SOHLH2: variants seen among roughly 807,000 people sequenced by gnomAD.
SOHLH2 encodes spermatogenesis- and oogenesis-specific basic helix-loop-helix-containing protein 2.
In SOHLH2, 22 loss-of-function variants were observed where a neutral mutation model predicts 50.4. The ratio of observed to expected loss-of-function variants is 0.44; its 90% CI spans 0.31 to 0.62. The LOEUF is 0.62. Ranked by LOEUF, SOHLH2 falls within the 20% of genes least tolerant of loss-of-function variation. The probability of loss-of-function intolerance (pLI) is 0.08; values close to 1 mark genes in which losing one functional copy is unlikely to be tolerated. For missense variants in SOHLH2, 412 were observed against 504.4 expected (o/e 0.82, Z 1.76); for synonymous variants, 185 against 187.3 (o/e 0.99, Z 0.10).
intron 10 of SOHLH2, among the ~76,000 whole-genome samples, chr13:36,169,322 C>T (rs1211864044): frequency 6.6e-6 from 1 of 152,154 alleles, no homozygotes; most frequent in Non-Finnish European, 1.5e-5. Flanking sequence ...CTTTCATTTA[C>T]CCTAGCCTTC....
intron 9 of SOHLH2, among the ~76,000 whole-genome samples, 183 bp downstream of exon 9, chr13:36,173,509 G>C (rs1159211500): frequency 6.6e-6 from 1 of 152,184 alleles, no homozygotes; most frequent in Non-Finnish European, 1.5e-5. Flanking sequence ...TTTGAGCCCA[G>C]TTTCTGGCAT....
At chr13:36,208,505 G>A (rs949623921) in intron 1 of SOHLH2, among the ~76,000 whole-genome samples, 1 of 152,108 alleles carries the variant, frequency 6.6e-6, no homozygotes, top group Non-Finnish European at 1.5e-5. Flanking sequence ...AAGATGTAGA[G>A]TTAATCTAAA....
At chr13:36,174,366 A>G (rs1026078491) in intron 8 of SOHLH2, 110 bp downstream of exon 8, 1 of 1,434,644 alleles carries the variant, frequency 7.0e-7, no homozygotes, top group Non-Finnish European at 9.5e-7. Flanking sequence ...CTGACCCTTA[A>G]TAAGCCCCTG....
At chr13:36,183,859 CAAG>C (rs1230492929) in intron 6 of SOHLH2, among the ~76,000 whole-genome samples, 1 of 152,042 alleles carries the variant, frequency 6.6e-6, no homozygotes, top group African/African-American at 2.4e-5. Context: ...GTCAATTCAG[CAAG>C]AAGACAGGCA....
chr13:36,185,838 T>C (rs1396172783), intron 6 of SOHLH2, among the ~76,000 whole-genome samples: 4 of 152,210 alleles, frequency 2.6e-5, no homozygotes, highest in South Asian at 2.1e-4. Flanking sequence ...ATAGGGAATT[T>C]AGTCCTATAA....
In SOHLH2 at chr13:36,174,821, A is replaced by G. The variant is rs772750306; in HGVS notation, c.690T>C (p.Tyr230=). The change falls in exon 7 of 11, where the codon TAT becomes TAC. Residue 230 remains tyrosine, a synonymous_variant. Transcript: ENST00000379881. ...CCEQLRTLLP[Y]VKGRKNDAAS... is the part of the protein sequence containing the mutation. ...CCGCATCATTCTTTCTCCCTTTTAC[A>G]TACGGCAAGAGAGTACGCAGCTGCT... The G allele has an allele frequency of 7.5e-6, 12 of 1,609,364 alleles. No homozygotes were observed. The African/African-American group carries it at 1.3e-4, about 18-fold the overall frequency.
chr13:36,189,894 A>T, intron 6 of SOHLH2, 52 bp downstream of exon 6: 1 of 1,487,392 alleles, frequency 6.7e-7, no homozygotes, highest in Non-Finnish European at 9.0e-7. Flanking sequence ...AAAATTCATT[A>T]ATTTCTCCCT....
chr13:36,186,942 A>G (rs1392514424), intron 6 of SOHLH2, among the ~76,000 whole-genome samples: 1 of 152,172 alleles, frequency 6.6e-6, no homozygotes, highest in Non-Finnish European at 1.5e-5. Context: ...GGAGGAAGAA[A>G]GGAAACAGAC....
intron 1 of SOHLH2, among the ~76,000 whole-genome samples, chr13:36,212,994 T>C (rs1869211462): frequency 6.6e-6 from 1 of 152,216 alleles, no homozygotes; most frequent in Non-Finnish European, 1.5e-5. Flanking sequence ...TTTTAGTGAG[T>C]TGTTATTTAT....
intron 4 of SOHLH2, among the ~76,000 whole-genome samples, chr13:36,193,244 G>A (rs914897781): frequency 2.6e-5 from 4 of 152,202 alleles, no homozygotes; most frequent in African/African-American, 9.6e-5. Flanking sequence ...TTCTATGCAA[G>A]TGTTTTGCAA....
intron 10 of SOHLH2, among the ~76,000 whole-genome samples, chr13:36,169,502 G>A (rs1468481210): frequency 6.6e-6 from 1 of 152,130 alleles, no homozygotes; most frequent in Non-Finnish European, 1.5e-5. Flanking sequence ...AGTATCTACC[G>A]TCAAAGGATC....
intron 6 of SOHLH2, among the ~76,000 whole-genome samples, chr13:36,188,723 GTTCCCCATGGATTCCTTCTCTGC>G (rs1887495237): frequency 6.6e-6 from 1 of 152,116 alleles, no homozygotes; most frequent in Admixed American, 6.5e-5. Context: ...AACTCTTTGT[GTTCCCCATGGATTCCTTCTCTGC>G]TGCCTGTACC....
At position 36,193,834 on chromosome 13, in the gene SOHLH2, A is replaced by G; in HGVS notation, c.297T>C (p.Phe99=). Residue 99 remains phenylalanine, a synonymous_variant, in exon 3 of 11, where the codon TTT becomes TTC. Transcript: ENST00000379881. ...FGKKKNTHSL[F]VFIIPENFKG... is the part of the protein sequence containing the mutation. ...TAAAATTTTCAGGGATTATAAAAAC[A>G]AACAGTGAATGTGTATTTTTCTTTT... The G allele has an allele frequency of 6.2e-7, 1 of 1,603,942 alleles. No homozygotes were observed. Among genetic ancestry groups the G allele is most frequent in the African/African-American group, 1.3e-5 (1 of 74,598 alleles).
chr13:36,205,324 T>C (rs1593960157), intron 1 of SOHLH2, among the ~76,000 whole-genome samples: 2 of 152,138 alleles, frequency 1.3e-5, no homozygotes, highest in South Asian at 4.1e-4. Flanking sequence ...TGACAGTAGG[T>C]GTTCCTGTCT....
At chr13:36,187,539 G>A (rs1371136301) in intron 6 of SOHLH2, among the ~76,000 whole-genome samples, 1 of 152,126 alleles carries the variant, frequency 6.6e-6, no homozygotes, top group African/African-American at 2.4e-5. Context: ...CAGCAGTCAT[G>A]GGAATGAAGC....
chr13:36,171,062 C>T (rs1360256801), intron 9 of SOHLH2, among the ~76,000 whole-genome samples: 1 of 152,016 alleles, frequency 6.6e-6, no homozygotes, highest in South Asian at 2.1e-4. Context: ...TGAATGTGCA[C>T]GTCAATCAAA....
In SOHLH2 at chr13:36,168,988, CT is replaced by C. The variant is rs752075342; in HGVS notation, c.*45del. ...GTTCCACTTTTCCTAGATTGTCAAA[CT>C]GCGCCCAGTAGGTGGTTGAGAGTGT... On this transcript the variant is annotated 3_prime_UTR_variant, in exon 11 of 11. Transcript: ENST00000379881. The C allele has an allele frequency of 6.3e-7, 1 of 1,584,642 alleles. No individual in the cohort carries two copies. Among genetic ancestry groups the C allele is most frequent in the South Asian group, 1.2e-5 (1 of 85,612 alleles).
At chr13:36,186,168 A>G (rs1335652884) in intron 6 of SOHLH2, among the ~76,000 whole-genome samples, 1 of 152,218 alleles carries the variant, frequency 6.6e-6, no homozygotes, top group Non-Finnish European at 1.5e-5. Context: ...CATAATCACC[A>G]CATTAACAAA....
intron 6 of SOHLH2, among the ~76,000 whole-genome samples, chr13:36,184,597 C>T (rs1331077767): frequency 6.6e-6 from 1 of 151,628 alleles, no homozygotes; most frequent in Non-Finnish European, 1.5e-5. Flanking sequence ...GTAGCTGGGA[C>T]TACAGGCGCC....
Sources: allele counts gnomAD v4.1 joint callset (sites outside exome capture counted in the v4.1 genomes callset), GRCh38; gene constraint gnomAD v4.1.1; transcripts MANE v1.5; gene names NCBI Gene and HGNC (gene_info 2026-07-23, HGNC 2026-07-21).